Variants in HCN4 observed in about 807,000 individuals in gnomAD.
The protein encoded by HCN4 is hyperpolarization activated cyclic nucleotide gated potassium channel 4.
A neutral mutation model predicts 76.9 loss-of-function variants in HCN4; 29 were observed. The observed-to-expected ratio is 0.38, with a 90% CI of 0.28 to 0.51. The LOEUF is 0.51. HCN4 is among the 20% of genes least tolerant of loss of function. The pLI, the probability that HCN4 is intolerant of heterozygous loss-of-function variation, is 0.90. For synonymous variants in HCN4, 772 were observed against 762.5 expected (o/e 1.01, Z -0.21); for missense variants, 1,416 against 1,715.2 (o/e 0.83, Z 3.08).
intron 1 of HCN4, among the ~76,000 whole-genome samples, chr15:73,359,866 G>A (rs2043097395): frequency 6.6e-6 from 1 of 152,146 alleles, no homozygotes; most frequent in Non-Finnish European, 1.5e-5. Flanking sequence ...GATACCACTG[G>A]ACACTTGCCC....
rs1182541089 is a variant in HCN4 at position 73,367,216 on chromosome 15, G to A, written c.785+270C>T. 6.6e-6 allele frequency among the ~76,000 whole-genome samples: 1 copy of A among 152,166 alleles called. No individual in the cohort carries two copies. The highest frequency in any genetic ancestry group is 1.5e-5 in the Non-Finnish European group (1 of 68,028). On this transcript the variant is annotated intron_variant, in intron 1 of 7. Coordinates refer to ENST00000261917, the MANE Select transcript of HCN4 (RefSeq NM_005477.3). The surrounding 1 kb of genome is among the most constrained non-coding windows in gnomAD (Gnocchi z 7.5). ...GTGGCAGAGCCCTATCCTGGCTGCC[G>A]GCAGGGGTAGGCCAGGCTCAGAACA...
At position 73,323,055 on chromosome 15, in the gene HCN4, C is replaced by T; in HGVS notation, c.3038G>A (p.Gly1013Glu). ...GGGAGTAAAGCCTACAGGGGAAGCC[C>T]CCCCAGAGGCCCCTGCCACAAGGGA... ...PPSLVAGASGGASPVGFTPRG... is the reference protein window; with the variant it reads ...PPSLVAGASGEASPVGFTPRG... Residue 1013 changes from glycine (G) to glutamate (E), a missense_variant, in exon 8 of 8, where the codon GGG (glycine) becomes GAG (glutamate). Gly to Glu is a moderately conservative substitution (Grantham distance 98). Transcript: ENST00000261917. 3 of 1,531,904 alleles carry T rather than the reference C, an allele frequency of 2.0e-6. No individual in the cohort carries two copies. Among genetic ancestry groups the T allele is most frequent in the South Asian group, 2.6e-5 (2 of 76,734 alleles). 94.9% of individuals were successfully genotyped at this position (1,531,904 alleles called of 1,614,324 possible).
intron 2 of HCN4, among the ~76,000 whole-genome samples, chr15:73,334,664 C>T (rs777672469): frequency 1.3e-5 from 2 of 152,006 alleles, no homozygotes; most frequent in Non-Finnish European, 2.9e-5. Context: ...CCATCCTCCA[C>T]ACCTGCCTCC....
At chr15:73,339,593 G>A (rs1174062960) in intron 2 of HCN4, among the ~76,000 whole-genome samples, 1 of 152,256 alleles carries the variant, frequency 6.6e-6, no homozygotes, top group Admixed American at 6.5e-5. Flanking sequence ...GCCCCAGGGA[G>A]CCACAGCTTC....
At chr15:73,331,755 C>T (rs2042934087) in intron 3 of HCN4, among the ~76,000 whole-genome samples, 1 of 152,172 alleles carries the variant, frequency 6.6e-6, no homozygotes, top group Non-Finnish European at 1.5e-5. Context: ...TCAGGCTCAG[C>T]TTTTAAGGAC....
chr15:73,330,577 T>C (rs184040643), intron 3 of HCN4, among the ~76,000 whole-genome samples: 27 of 152,324 alleles, frequency 1.8e-4, no homozygotes, highest in East Asian at 7.7e-4. Flanking sequence ...TGAGGGCCCA[T>C]TGAACCTGAC....
At chr15:73,329,967 C>T (rs2042923116) in intron 3 of HCN4, among the ~76,000 whole-genome samples, 176 bp from the exon 4 acceptor site, 1 of 152,230 alleles carries the variant, frequency 6.6e-6, no homozygotes. Flanking sequence ...GTGCTGCCAG[C>T]GAGTCCTCCT....
chr15:73,330,996 T>C (rs1430064825), intron 3 of HCN4, among the ~76,000 whole-genome samples: 1 of 152,236 alleles, frequency 6.6e-6, no homozygotes, highest in African/African-American at 2.4e-5. Flanking sequence ...TGTTTGATGC[T>C]GAAAGATGCC....
Position 73,343,505 on chromosome 15 carries a change from G to T in HCN4, c.1089C>A (p.Ile363=). ...GGGCAGTCTTGTAGACCTCCGAGTC[G>T]ATGCGTGTCTCCACAATGAGGAAGA... ...DYIFLIVETR[I]DSEVYKTARA... The change falls in exon 2 of 8, where the codon ATC becomes ATA. Residue 363 remains isoleucine (I), a synonymous_variant. Transcript: ENST00000261917. The surrounding 1 kb of genome is among the most constrained non-coding windows in gnomAD (Gnocchi z 5.7). 1 of 1,614,200 alleles carries T rather than the reference G, an allele frequency of 6.2e-7. No individual in the cohort carries two copies. Among genetic ancestry groups the T allele is most frequent in the South Asian group, 1.1e-5 (1 of 91,080 alleles).
rs1160374356 is a variant in HCN4, at chr15:73,339,231, CG to C, written c.1209+4153del. 2.6e-5 allele frequency among the ~76,000 whole-genome samples: 4 copies of C among 152,206 alleles called. No individual in the cohort carries two copies. The East Asian group carries it at 7.7e-4, about 29-fold the overall frequency. On this transcript the variant is annotated intron_variant, in intron 2 of 7. Transcript: ENST00000261917. Reference sequence around the variant, plus strand: ...GGGAGGAGGCATGGCTGGAGAGGCTCGGGAGGGAGTCTGCTGACCCAGATCG... The same window carrying C: ...GGGAGGAGGCATGGCTGGAGAGGCTCGGAGGGAGTCTGCTGACCCAGATCG...
chr15:73,334,350 A>G (rs1476986727), intron 2 of HCN4, among the ~76,000 whole-genome samples: 2 of 151,836 alleles, frequency 1.3e-5, no homozygotes, highest in African/African-American at 4.8e-5. Context: ...TCTCTGGTCC[A>G]TTTTCTGTGG....
intron 1 of HCN4, among the ~76,000 whole-genome samples, chr15:73,361,189 AAGTACTGCCC>A (rs1428986178): frequency 6.6e-6 from 1 of 152,136 alleles, no homozygotes; most frequent in Non-Finnish European, 1.5e-5. Context: ...CCTCTGATCG[AAGTACTGCCC>A]AGTCTTATCT....
chr15:73,324,908 C>G, intron 6 of HCN4, 47 bp downstream of exon 6: 1 of 1,611,138 alleles, frequency 6.2e-7, no homozygotes. Flanking sequence ...CCCAAACCAG[C>G]CCCTGGGAGC....
At chr15:73,353,422 A>C (rs1021013060) in intron 1 of HCN4, among the ~76,000 whole-genome samples, 1 of 152,212 alleles carries the variant, frequency 6.6e-6, no homozygotes, top group African/African-American at 2.4e-5. Flanking sequence ...GAGATCAATG[A>C]TGAAGGTGGA....
At chr15:73,333,023 A>G (rs1353217300) in intron 2 of HCN4, among the ~76,000 whole-genome samples, 1 of 152,234 alleles carries the variant, frequency 6.6e-6, no homozygotes, top group Admixed American at 6.5e-5. Context: ...GCTGTTATTA[A>G]TAATTAATCT....
chr15:73,330,226 T>TG (rs1168470039), intron 3 of HCN4, among the ~76,000 whole-genome samples: 1 of 152,194 alleles, frequency 6.6e-6, no homozygotes, highest in African/African-American at 2.4e-5. Flanking sequence ...ATGCTTCCCT[T>TG]GGGGGGACAA....
At position 73,329,766 on chromosome 15, in the gene HCN4, G is replaced by C; in HGVS notation, c.1397C>G (p.Ser466Cys). 6.2e-7 allele frequency: 1 copy of C among 1,613,992 alleles called. No homozygotes were observed. Among genetic ancestry groups the C allele is most frequent in the Non-Finnish European group, 8.5e-7 (1 of 1,179,982 alleles). Residue 466 changes from serine (S) to cysteine (C), a missense_variant, in exon 4 of 8, where the codon TCC becomes TGC. Ser to Cys is a moderately radical substitution (Grantham distance 112). Around this residue, in one of 6 missense-constraint regions of HCN4, gnomAD observed 112 missense variants for 259.9 expected, o/e 0.43. Transcript: ENST00000261917. Reference sequence around the variant, plus strand: ...GCTCATGGCCTTGAAGAGCGCGTAGGAGTACTGCTTCCCCCAGGAGTTGTT... The same window carrying C: ...GCTCATGGCCTTGAAGAGCGCGTAGCAGTACTGCTTCCCCCAGGAGTTGTT... Reference protein sequence around the residue: ...MVNNSWGKQYSYALFKAMSHM... With the variant: ...MVNNSWGKQYCYALFKAMSHM...
chr15:73,363,743 G>A (rs890055422), intron 1 of HCN4, among the ~76,000 whole-genome samples: 6 of 152,166 alleles, frequency 3.9e-5, no homozygotes, highest in African/African-American at 1.4e-4. Context: ...GACAGGGGAG[G>A]TGTGGTTCAC....
chr15:73,332,183 G>A lies in HCN4; in HGVS notation c.1319C>T (p.Pro440Leu). The change falls in exon 3 of 8, where the codon CCC (proline) becomes CTC (leucine). Residue 440 changes from proline (P) to leucine (L), a missense_variant. Transcript: ENST00000261917. Reference protein sequence around the residue: ...HWDGCLQFLVPMLQDFPDDCW... With the variant: ...HWDGCLQFLVLMLQDFPDDCW... ...GTCGTCAGGGAAGTCCTGTAGCATG[G>A]GTACCAGGAACTGCAGGCAGCCGTC... The A allele has an allele frequency of 1.2e-6, 2 of 1,614,176 alleles. No individual in the cohort carries two copies. The highest frequency in any genetic ancestry group is 8.5e-7 in the Non-Finnish European group (1 of 1,179,998).
Sources: gnomAD v4.1 joint callset for allele counts (sites outside exome capture counted in the v4.1 genomes callset) on GRCh38, gnomAD v4.1.1 for gene constraint, gnomAD v4.1.1 regional missense constraint, Gnocchi (gnomAD v3.1) non-coding constraint, MANE v1.5 for transcripts, NCBI Gene and HGNC (gene_info 2026-07-23, HGNC 2026-07-21) for gene names.